Variants in KLHL21 observed in about 807,000 individuals in gnomAD.
The protein encoded by KLHL21 is kelch like family member 21, also known as kelch-like protein 21.
In KLHL21, 42 loss-of-function variants were observed where a neutral mutation model predicts 44.1. The ratio of observed to expected loss-of-function variants is 0.95; its 90% CI spans 0.74 to 1.23. The LOEUF is 1.23. Among genes scored for constraint, KLHL21 ranks in the 50% most tolerant of loss-of-function variants. The probability of loss-of-function intolerance (pLI) is 0.00; values close to 1 mark genes in which losing one functional copy is unlikely to be tolerated. For synonymous variants in KLHL21, 524 were observed against 411.6 expected (o/e 1.27, Z -3.31); for missense variants, 918 against 889.1 (o/e 1.03, Z -0.41).
Position 6,599,242 on chromosome 1 carries a change from G to GA in KLHL21, c.1231_1232insT (p.Pro411LeufsTer68), listed in dbSNP as rs1162893470. ...CGCAGTGGTGGAGCAGTTGTCCATGGGGTAGGTCATGGGCTGCAGGGCCTC... is the reference window on the plus strand; with the variant it reads ...CGCAGTGGTGGAGCAGTTGTCCATGGAGGTAGGTCATGGGCTGCAGGGCCTC... On this transcript the variant is annotated frameshift_variant, in exon 2 of 4. Coordinates refer to ENST00000377658, the MANE Select transcript of KLHL21 (RefSeq NM_014851.4). LOFTEE classifies it high-confidence loss of function. The GA allele has an allele frequency of 8.7e-6, 14 of 1,613,950 alleles. No individual in the cohort carries two copies.
intron 1 of KLHL21, among the ~76,000 whole-genome samples, chr1:6,600,459 GC>G (rs1641000537): frequency 6.6e-6 from 1 of 152,376 alleles, no homozygotes; most frequent in African/African-American, 2.4e-5. Context: ...CATCCTGGGG[GC>G]TGTACCCCTT....
intron 1 of KLHL21, among the ~76,000 whole-genome samples, chr1:6,600,077 GCT>G (rs887668453): frequency 3.9e-5 from 6 of 151,912 alleles, no homozygotes; most frequent in African/African-American, 1.2e-4. Flanking sequence ...ACAGAGTCTT[GCT>G]CTGTCACCCA....
Position 6,602,856 on chromosome 1 carries a change from G to A in KLHL21, c.-39C>T, listed in dbSNP as rs1641059257. On this transcript the variant is annotated 5_prime_UTR_variant, in exon 1 of 4. Transcript: ENST00000377658. ...GGTTGTCGAGGACGCCGCGGCCGGG[G>A]CCTGCGGAGAGACGCGGCGCGCTAG... 3 of 1,381,284 alleles carry A rather than the reference G, an allele frequency of 2.2e-6. No individual in the cohort carries two copies. Among genetic ancestry groups the A allele is most frequent in the Non-Finnish European group, 2.8e-6 (3 of 1,076,762 alleles). The allele number at this position is 1,381,284 out of a possible 1,614,324, so 85.6% of individuals were successfully genotyped here.
rs745651267 is a variant in KLHL21 at position 6,602,746 on chromosome 1, G to A, written c.72C>T (p.Gly24=). 14 of 1,510,888 alleles carry A rather than the reference G, an allele frequency of 9.3e-6. 2 individuals carry two copies. The highest frequency in any genetic ancestry group is 3.7e-4 in the Middle Eastern group (2 of 5,346). The allele number at this position is 1,510,888 out of a possible 1,614,324, so 93.6% of individuals were successfully genotyped here. ...TGCGCTCGGCGCGCAGCTGGCTCAG[G>A]CCGCGCAGCAGGCTCAGGGCGTGCG... ...DPAHALSLLR[G]LSQLRAERKF... is the part of the protein sequence containing the mutation. The change falls in exon 1 of 4, where the codon GGC becomes GGT. Residue 24 remains glycine (G), a synonymous_variant. Transcript: ENST00000377658.
chr1:6,599,587 C>T, intron 1 of KLHL21, 135 bp from the exon 2 acceptor site: 1 of 940,886 alleles, frequency 1.1e-6, no homozygotes, highest in Non-Finnish European at 1.5e-6. Flanking sequence ...CGCACACCCT[C>T]TCCCCAAAAG....
Position 6,595,503 on chromosome 1 carries a change from CTT to C in KLHL21, c.1480_1481del (p.Lys494AspfsTer31). The C allele has an allele frequency of 1.2e-6, 2 of 1,614,188 alleles. No individual in the cohort carries two copies. The highest frequency in any genetic ancestry group is 1.7e-6 in the Non-Finnish European group (2 of 1,180,022). ...AATTTACCTGATTCATGGACGGGAT[CTT>C]GTCCCATTCGTTCCTCGTCGGGTTG... The part of the protein sequence containing the change: ...VYNPTRNEWD[K>X]IPSMNQVHVG... On this transcript the variant is annotated frameshift_variant, in exon 3 of 4. Transcript: ENST00000377658. LOFTEE classifies it high-confidence loss of function.
chr1:6,601,358 CA>C (rs1474916962), intron 1 of KLHL21, among the ~76,000 whole-genome samples: 1 of 152,178 alleles, frequency 6.6e-6, no homozygotes, highest in Non-Finnish European at 1.5e-5. Context: ...AAGAGTGAGT[CA>C]GGGGGCCCGG....
At position 6,602,171 on chromosome 1, in the gene KLHL21, TGCGCGGCGCG is replaced by T; in HGVS notation, c.637_646del (p.Arg213ThrfsTer124). ...CACGGCCTCCAGCAGCTGCGGCCAG[TGCGCGGCGCG>T]GCGCGGCGGGTCAGCGCGGACCCAG... On this transcript the variant is annotated frameshift_variant, in exon 1 of 4. Transcript: ENST00000377658. LOFTEE classifies it high-confidence loss of function. 2 of 1,429,416 alleles carry T rather than the reference TGCGCGGCGCG, an allele frequency of 1.4e-6. No individual in the cohort carries two copies. The highest frequency in any genetic ancestry group is 1.8e-6 in the Non-Finnish European group (2 of 1,102,610). 88.5% of individuals were successfully genotyped at this position (1,429,416 alleles called of 1,614,324 possible).
At position 6,602,853 on chromosome 1, in the gene KLHL21, G is replaced by C. The variant is rs6674407; in HGVS notation, c.-36C>G. 3 of 1,386,878 alleles carry C rather than the reference G, an allele frequency of 2.2e-6. No homozygotes were observed. Among genetic ancestry groups the C allele is most frequent in the East Asian group, 6.1e-5 (2 of 33,026 alleles). The allele number at this position is 1,386,878 out of a possible 1,614,324, so 85.9% of individuals were successfully genotyped here. A position where few individuals can be genotyped will look rare whatever the true frequency, so the allele number is the denominator to read the frequency against. ...ATAGGTTGTCGAGGACGCCGCGGCCGGGGCCTGCGGAGAGACGCGGCGCGC... is the reference window on the plus strand; with the variant it reads ...ATAGGTTGTCGAGGACGCCGCGGCCCGGGCCTGCGGAGAGACGCGGCGCGC... On this transcript the variant is annotated 5_prime_UTR_variant, in exon 1 of 4. Coordinates refer to ENST00000377658, the MANE Select transcript of KLHL21 (RefSeq NM_014851.4).
In KLHL21 at chr1:6,593,591, G is replaced by A; in HGVS notation, c.1568C>T (p.Thr523Ile). ...CTCTACCACGTCCGAGAGTTCAAAT[G>A]TATTGTCGTATCCCCCAGAGACGTA... ...KLYVSGGYDN[T>I]FELSDVVEAY... Residue 523 changes from threonine (T) to isoleucine (I), a missense_variant, in exon 4 of 4, where the codon ACA becomes ATA. Thr to Ile is a moderately conservative substitution (Grantham distance 89, BLOSUM62 -1). Coordinates refer to ENST00000377658, the MANE Select transcript of KLHL21 (RefSeq NM_014851.4). 5 of 1,613,414 alleles carry A rather than the reference G, an allele frequency of 3.1e-6. No individual in the cohort carries two copies. Among genetic ancestry groups the A allele is most frequent in the Non-Finnish European group, 4.2e-6 (5 of 1,179,538 alleles).
rs756226341 is a variant in KLHL21, at chr1:6,593,392, C to T, written c.1767G>A (p.Pro589=). 3.1e-5 allele frequency: 49 copies of T among 1,602,420 alleles called. No individual in the cohort carries two copies. In the South Asian group the frequency reaches 3.2e-4, roughly 10 times the overall value. Residue 589 remains proline, a synonymous_variant, in exon 4 of 4, where the codon CCG becomes CCA. Coordinates refer to ENST00000377658, the MANE Select transcript of KLHL21 (RefSeq NM_014851.4). ...AGTGCAGCTCATCGGGGTCCCGCGG[C>T]GGCCGGGGTCGGCCTGGGTCCATGT... The part of the protein sequence containing the change: ...SDDMDPGRPR[P]PRDPDELH
At chr1:6,598,884 A>C (rs1640967320) in intron 2 of KLHL21, among the ~76,000 whole-genome samples, 163 bp downstream of exon 2, 1 of 152,230 alleles carries the variant, frequency 6.6e-6, no homozygotes, top group African/African-American at 2.4e-5. Context: ...CTCCGTCTCA[A>C]AAACAAAACA....
chr1:6,600,521 A>G (rs576755332), intron 1 of KLHL21, among the ~76,000 whole-genome samples: 5 of 152,216 alleles, frequency 3.3e-5, no homozygotes, highest in Non-Finnish European at 7.3e-5. Context: ...ATTCTGTTTC[A>G]CAGCCCTGAG....
chr1:6,593,997 C>G, intron 3 of KLHL21: 3 of 1,081,510 alleles, frequency 2.8e-6, no homozygotes, highest in Non-Finnish European at 3.4e-6. Context: ...CCCCATGTTA[C>G]AGATGGGAAA....
At chr1:6,601,217 C>T (rs1167252600) in intron 1 of KLHL21, among the ~76,000 whole-genome samples, 1 of 152,182 alleles carries the variant, frequency 6.6e-6, no homozygotes, top group Non-Finnish European at 1.5e-5. Context: ...GGGGTTTGGG[C>T]CAAGTAACTG....
At position 6,593,787 on chromosome 1, in the gene KLHL21, A is replaced by C. The variant is rs1301728012; in HGVS notation, c.1501-129T>G. 3 of 1,399,600 alleles carry C rather than the reference A, an allele frequency of 2.1e-6. No individual in the cohort carries two copies. The African/African-American group carries it at 4.3e-5, about 20-fold the overall frequency. The allele number at this position is 1,399,600 out of a possible 1,614,324, so 86.7% of individuals were successfully genotyped here. Reference sequence around the variant, plus strand: ...AGGGGTGGCCTTGGCTCTCCCAGAAAGCAGCAGAGAGGCCAACCCCTTTCC... The same window carrying C: ...AGGGGTGGCCTTGGCTCTCCCAGAACGCAGCAGAGAGGCCAACCCCTTTCC... On this transcript the variant is annotated intron_variant, in intron 3 of 3. Transcript: ENST00000377658.
At position 6,593,236 on chromosome 1, in the gene KLHL21, TG is replaced by T; in HGVS notation, c.*128del. The T allele has an allele frequency of 1.0e-6, 1 of 1,004,118 alleles. No individual in the cohort carries two copies. Among genetic ancestry groups the T allele is most frequent in the Non-Finnish European group, 1.4e-6 (1 of 700,714 alleles). The allele number at this position is 1,004,118 out of a possible 1,614,324, so 62.2% of individuals were successfully genotyped here. A position where few individuals can be genotyped will look rare whatever the true frequency, so the allele number is the denominator to read the frequency against. On this transcript the variant is annotated 3_prime_UTR_variant, in exon 4 of 4. Coordinates refer to ENST00000377658, the MANE Select transcript of KLHL21 (RefSeq NM_014851.4). ...ACCTTCCAGGTAATGGATCCTGGGC[TG>T]GCTTCGCCACCCAAGAGCCTGTGCT... is the stretch of plus-strand genomic sequence containing the variant.
intron 2 of KLHL21, among the ~76,000 whole-genome samples, chr1:6,596,653 T>C (rs1047671083): frequency 3.3e-5 from 5 of 152,134 alleles, no homozygotes; most frequent in Non-Finnish European, 7.3e-5. Flanking sequence ...TCACCCTCAG[T>C]TTGTGGGCCC....
In KLHL21 at chr1:6,602,593, C is replaced by G. The variant is rs1471997471; in HGVS notation, c.225G>C (p.Glu75Asp). 6.5e-7 allele frequency: 1 copy of G among 1,527,100 alleles called. No homozygotes were observed. Among genetic ancestry groups the G allele is most frequent in the Admixed American group, 2.0e-5 (1 of 50,338 alleles). The allele number at this position is 1,527,100 out of a possible 1,614,324, so 94.6% of individuals were successfully genotyped here. A position where few individuals can be genotyped will look rare whatever the true frequency, so the allele number is the denominator to read the frequency against. The change falls in exon 1 of 4, where the codon GAG becomes GAC. Residue 75 changes from glutamate (E) to aspartate (D), a missense_variant. Physicochemically the swap from Glu to Asp is conservative, Grantham distance 45. Transcript: ENST00000377658. ...GAGGCACTCCGTGCAGGCGCACCCG[C>G]TCGGCGCGGCTCTCGCGCAGCTGCC... ...FAGQLRESRA[E>D]RVRLHGVPPD...
Sources: allele counts gnomAD v4.1 joint callset (sites outside exome capture counted in the v4.1 genomes callset), GRCh38; gene constraint gnomAD v4.1.1; transcripts MANE v1.5; gene names NCBI Gene and HGNC (gene_info 2026-07-23, HGNC 2026-07-21).